The following MYO16 variants were observed in gnomAD, a reference collection of about 807,000 sequenced individuals.
MYO16 encodes the protein unconventional myosin-XVI.
In MYO16, 94 loss-of-function variants were observed where a neutral mutation model predicts 205.3. The observed-to-expected ratio is 0.46, with a 90% CI of 0.39 to 0.54. The LOEUF is 0.54. MYO16 is among the 20% of genes least tolerant of loss of function. MYO16 has a pLI of 0.00. For missense variants in MYO16, 2,315 were observed against 2,387.5 expected (o/e 0.97, Z 0.63); for synonymous variants, 988 against 954.0 (o/e 1.04, Z -0.66).
At chr13:109,146,676 G>A (rs1161133895) in intron 32 of MYO16, among the ~76,000 whole-genome samples, 6 of 151,846 alleles carry the variant, frequency 4.0e-5, no homozygotes, top group South Asian at 2.1e-4. Context: ...ATGTGCCTGC[G>A]GTCCCAGCTA....
chr13:108,816,313 G>A (rs1875600256), intron 7 of MYO16, among the ~76,000 whole-genome samples: 1 of 152,074 alleles, frequency 6.6e-6, no homozygotes, highest in Non-Finnish European at 1.5e-5. Flanking sequence ...GACGAGGCAA[G>A]CCACAGAATG....
chr13:109,035,738 C>G (rs1388246019), intron 23 of MYO16, among the ~76,000 whole-genome samples: 1 of 152,096 alleles, frequency 6.6e-6, no homozygotes, highest in Non-Finnish European at 1.5e-5. Context: ...TTCCTGCAAA[C>G]CCTGCTCCCT....
At chr13:109,133,171 C>T (rs1291517020) in intron 31 of MYO16, among the ~76,000 whole-genome samples, 1 of 152,186 alleles carries the variant, frequency 6.6e-6, no homozygotes, top group Non-Finnish European at 1.5e-5. Flanking sequence ...GTAAATCTAT[C>T]CTACATCCAC....
At position 108,898,141 on chromosome 13, in the gene MYO16, C is replaced by G; in HGVS notation, c.1777+8C>G. 4 of 1,588,780 alleles carry G rather than the reference C, an allele frequency of 2.5e-6. No homozygotes were observed. The highest frequency in any genetic ancestry group is 1.7e-5 in the Admixed American group (1 of 59,954). The stretch of plus-strand genomic sequence containing the variant: ...AACAACAGCTAACCGGAGGTAAGTG[C>G]AGTATTTGACAACGTGGATTTCCTG... On this transcript the variant is annotated splice_region_variant and intron_variant, in intron 15 of 34. Transcript: ENST00000457511.
intron 23 of MYO16, among the ~76,000 whole-genome samples, chr13:109,043,397 G>C (rs923118744): frequency 3.3e-5 from 5 of 152,090 alleles, no homozygotes; most frequent in Non-Finnish European, 5.9e-5. Flanking sequence ...AGTTGTGCGT[G>C]TGTGTGCATG....
intron 16 of MYO16, among the ~76,000 whole-genome samples, chr13:108,937,889 C>T (rs1882561279): frequency 6.6e-6 from 1 of 152,112 alleles, no homozygotes; most frequent in African/African-American, 2.4e-5. Flanking sequence ...TTCTGACTTT[C>T]CATTTTTGTT....
intron 21 of MYO16, among the ~76,000 whole-genome samples, chr13:109,007,250 A>T (rs914474982): frequency 1.2e-4 from 18 of 151,828 alleles, no homozygotes; most frequent in African/African-American, 2.9e-4. Flanking sequence ...TAGCTGGGTG[A>T]GGTGGCGGGC....
At chr13:108,847,088 A>C (rs1332377898) in intron 10 of MYO16, among the ~76,000 whole-genome samples, 1 of 152,222 alleles carries the variant, frequency 6.6e-6, no homozygotes, top group Non-Finnish European at 1.5e-5. Context: ...AGTTAAAACA[A>C]TTTCTGATTA....
intron 27 of MYO16, among the ~76,000 whole-genome samples, chr13:109,064,398 A>T (rs1473972906): frequency 2.6e-5 from 4 of 152,042 alleles, no homozygotes; most frequent in African/African-American, 9.7e-5. Flanking sequence ...GATCTCAATA[A>T]TGTTCTCTAA....
At chr13:108,848,049 G>A (rs1334220733) in intron 10 of MYO16, among the ~76,000 whole-genome samples, 2 of 152,168 alleles carry the variant, frequency 1.3e-5, no homozygotes, top group Non-Finnish European at 2.9e-5. Context: ...TGCAGCTCTG[G>A]AGCTCTATGG....
At chr13:108,940,616 T>C (rs1882685377) in intron 16 of MYO16, among the ~76,000 whole-genome samples, 1 of 152,210 alleles carries the variant, frequency 6.6e-6, no homozygotes, top group African/African-American at 2.4e-5. Flanking sequence ...AATGTGCTTG[T>C]AATAATAATT....
intron 4 of MYO16, among the ~76,000 whole-genome samples, chr13:108,728,582 G>T (rs1225144180): frequency 2.6e-5 from 4 of 152,164 alleles, no homozygotes; most frequent in African/African-American, 7.2e-5. Flanking sequence ...GACCCCTGCA[G>T]TCCCTGATGT....
At chr13:108,783,328 C>G (rs1418906094) in intron 4 of MYO16, among the ~76,000 whole-genome samples, 2 of 152,108 alleles carry the variant, frequency 1.3e-5, no homozygotes, top group African/African-American at 2.4e-5. Flanking sequence ...CCCTGTAACC[C>G]CTTTGTTTTG....
the MYO16 span, among the ~76,000 whole-genome samples, chr13:108,532,735 G>A: frequency 6.6e-6 from 1 of 151,970 alleles, no homozygotes; most frequent in Non-Finnish European, 1.5e-5. Flanking sequence ...AGACTGCAGT[G>A]AACTATGATT....
At chr13:109,200,261 A>G (rs989529514) in intron 34 of MYO16, among the ~76,000 whole-genome samples, 6 of 152,304 alleles carry the variant, frequency 3.9e-5, no homozygotes, top group African/African-American at 1.4e-4. Flanking sequence ...CAAGATCAAT[A>G]AAATAAGATG....
chr13:108,579,289 T>C, the MYO16 span, among the ~76,000 whole-genome samples: 2 of 152,172 alleles, frequency 1.3e-5, no homozygotes, highest in South Asian at 4.1e-4. Context: ...ATAACCTCAG[T>C]AACTAAATGA....
chr13:109,092,195 A>G lies in MYO16; in HGVS notation c.3336-8590A>G, dbSNP rs759531045. ...ATATTTAACAAACAAAGACATTTTC[A>G]GAGAAAGTGCATCTGAGGTTAATAA... On this transcript the variant is annotated intron_variant, in intron 27 of 34. Coordinates refer to ENST00000457511, the MANE Select transcript of MYO16 (RefSeq NM_001198950.3). Among the ~76,000 whole-genome samples the G allele has an allele frequency of 2.0e-4, 30 of 152,236 alleles. 1 individual carries two copies. Among genetic ancestry groups the G allele is most frequent in the Admixed American group, 3.3e-4 (5 of 15,284 alleles).
At chr13:108,646,191 CTT>C (rs957993125) in intron 1 of MYO16, among the ~76,000 whole-genome samples, 2 of 152,116 alleles carry the variant, frequency 1.3e-5, no homozygotes, top group African/African-American at 4.8e-5. Flanking sequence ...GTTTGATTTT[CTT>C]TTTTTCCCTT....
In MYO16 at chr13:108,892,816, G is replaced by C. The variant is rs547175710; in HGVS notation, c.1659+4339G>C. Among the ~76,000 whole-genome samples the C allele has an allele frequency of 2.0e-5, 3 of 152,224 alleles. No individual in the cohort carries two copies. In the South Asian group the frequency reaches 6.2e-4, roughly 32 times the overall value. On this transcript the variant is annotated intron_variant, in intron 14 of 34. Coordinates refer to ENST00000457511, the MANE Select transcript of MYO16 (RefSeq NM_001198950.3). The stretch of plus-strand genomic sequence containing the variant: ...CAGCAGGCTGTATAATTTCTGTAAT[G>C]CATTCTCTATTACCTTATGTAAATT...
Sources: gnomAD v4.1 joint callset for allele counts (sites outside exome capture counted in the v4.1 genomes callset) on GRCh38, gnomAD v4.1.1 for gene constraint, MANE v1.5 for transcripts, NCBI Gene and HGNC (gene_info 2026-07-23, HGNC 2026-07-21) for gene names.